Variants in PRPF6 observed in about 807,000 individuals in gnomAD.
The protein encoded by PRPF6 is pre-mRNA processing factor 6.
A neutral mutation model predicts 118.3 loss-of-function variants in PRPF6; 42 were observed. The ratio of observed to expected loss-of-function variants is 0.35; its 90% confidence interval spans 0.28 to 0.46. The LOEUF (loss-of-function observed/expected upper bound fraction) is 0.46. Among genes scored for constraint, PRPF6 ranks in the 20% least tolerant of loss-of-function variants. PRPF6 has a pLI of 1.00. For synonymous variants in PRPF6, 481 were observed against 485.1 expected (o/e 0.99, Z 0.11); for missense variants, 662 against 1,255.7 (o/e 0.53, Z 7.15).
chr20:64,011,596 C>CCA lies in PRPF6; in HGVS notation c.1524+93_1524+94insCA. ...CAGGACTGGGGGTTGCTGGATGGTA[C>CCA]TGGGGAGTCCTGTGCCAAACCAGAA... On this transcript the variant is annotated intron_variant, in intron 11 of 20. Transcript: ENST00000266079. This position sits in a 1 kb window ranked among gnomAD's most constrained non-coding sequence, Gnocchi z 6.7. 7.2e-7 allele frequency: 1 copy of CCA among 1,381,166 alleles called. No homozygotes were observed. Among genetic ancestry groups the CCA allele is most frequent in the Non-Finnish European group, 1.0e-6 (1 of 1,003,964 alleles). 85.6% of individuals were successfully genotyped at this position (1,381,166 alleles called of 1,614,324 possible).
At position 64,026,160 on chromosome 20, in the gene PRPF6, C is replaced by G. The variant is rs1420993180; in HGVS notation, c.2028+102C>G. 1 of 1,547,294 alleles carries G rather than the reference C, an allele frequency of 6.5e-7. No homozygotes were observed. Among genetic ancestry groups the G allele is most frequent in the Non-Finnish European group, 8.7e-7 (1 of 1,146,112 alleles). On this transcript the variant is annotated intron_variant, in intron 15 of 20. Transcript: ENST00000266079. The surrounding 1 kb of genome is among the most constrained non-coding windows in gnomAD (Gnocchi z 4.4). ...GTGATGGGAGTGAGATGACGGCAGG[C>G]AAACGAGACCACAGCACACTCATCT...
Position 64,028,545 on chromosome 20 carries a change from G to A in PRPF6, c.2407G>A (p.Ala803Thr). 6.2e-7 allele frequency: 1 copy of A among 1,613,640 alleles called. No individual in the cohort carries two copies. The highest frequency in any genetic ancestry group is 8.5e-7 in the Non-Finnish European group (1 of 1,179,992). ...CATCGCAAATACACTCATGGCCAAG[G>A]CGCTGCAGGAGTGCCCCAACTCCGG... ...KNIANTLMAK[A>T]LQECPNSGIL... The change falls in exon 18 of 21, where the codon GCG becomes ACG. Residue 803 changes from alanine to threonine, a missense_variant. Ala to Thr is a moderately conservative substitution (Grantham distance 58). Transcript: ENST00000266079. This position sits in a 1 kb window ranked among gnomAD's most constrained non-coding sequence, Gnocchi z 6.5.
At chr20:63,999,287 T>C (rs2059155272) in intron 7 of PRPF6, 148 bp downstream of exon 7, 3 of 759,832 alleles carry the variant, frequency 3.9e-6, no homozygotes, top group East Asian at 2.7e-5. Flanking sequence ...CCATTTGAAA[T>C]GTATCTGTAT....
rs200760491 is a variant in PRPF6 at position 64,028,590 on chromosome 20, C to A, written c.2431+21C>A. On this transcript the variant is annotated intron_variant, in intron 18 of 20. Transcript: ENST00000266079. This position sits in a 1 kb window ranked among gnomAD's most constrained non-coding sequence, Gnocchi z 6.5. The stretch of plus-strand genomic sequence containing the variant: ...CTCCGGTAAGGGGGTGCCCCGACTC[C>A]GGTAAGGGGGTGCCCTGACTCCGGT... 2 of 1,608,376 alleles carry A rather than the reference C, an allele frequency of 1.2e-6. No homozygotes were observed. The highest frequency in any genetic ancestry group is 2.7e-5 in the African/African-American group (2 of 74,794).
At chr20:63,995,132 C>T (rs370937899) in intron 5 of PRPF6, 40 bp downstream of exon 5, 1 of 1,612,990 alleles carries the variant, frequency 6.2e-7, no homozygotes, top group Non-Finnish European at 8.5e-7. Context: ...CCATTTAGTC[C>T]TGTTAGATCA....
At chr20:63,992,326 A>G (rs1028571565) in intron 3 of PRPF6, among the ~76,000 whole-genome samples, 9 of 152,012 alleles carry the variant, frequency 5.9e-5, no homozygotes, top group Admixed American at 5.9e-4. Flanking sequence ...CAATGGCATG[A>G]TCTTGGCTCC....
intron 14 of PRPF6, among the ~76,000 whole-genome samples, chr20:64,024,936 C>T (rs2059281856): frequency 6.6e-6 from 1 of 152,106 alleles, no homozygotes; most frequent in Non-Finnish European, 1.5e-5. Flanking sequence ...GTAAATGTTT[C>T]AGAACATGGA....
chr20:64,006,630 C>A lies in PRPF6; in HGVS notation c.1187-3570C>A, dbSNP rs2123041297. ...CCACCACACCCGGCCTTTGGACCAGCTCTCTTGACAGGAGGGTCCAAGGAG... is the reference window on the plus strand; with the variant it reads ...CCACCACACCCGGCCTTTGGACCAGATCTCTTGACAGGAGGGTCCAAGGAG... On this transcript the variant is annotated intron_variant, in intron 9 of 20. Transcript: ENST00000266079. Among the ~76,000 whole-genome samples, 2 of 152,300 alleles carry A rather than the reference C, an allele frequency of 1.3e-5. 1 individual carries two copies. Among genetic ancestry groups the A allele is most frequent in the South Asian group, 4.1e-4 (2 of 4,826 alleles).
intron 12 of PRPF6, among the ~76,000 whole-genome samples, chr20:64,022,494 G>A (rs1433560017): frequency 1.3e-5 from 2 of 152,196 alleles, no homozygotes; most frequent in African/African-American, 2.4e-5. Context: ...TTTTAGTAGA[G>A]ATAGGTTTTC....
rs903160187 is a variant in PRPF6 at position 64,028,840 on chromosome 20, T to C, written c.2431+271T>C. ...GGAGAATTTGATTTCATTTCTGAAGTGTTATCATTTCTTTTTCTTTTAAAA... is the reference window on the plus strand; with the variant it reads ...GGAGAATTTGATTTCATTTCTGAAGCGTTATCATTTCTTTTTCTTTTAAAA... On this transcript the variant is annotated intron_variant, in intron 18 of 20. Coordinates refer to ENST00000266079, the MANE Select transcript of PRPF6 (RefSeq NM_012469.4). This position sits in a 1 kb window ranked among gnomAD's most constrained non-coding sequence, Gnocchi z 6.5. Among the ~76,000 whole-genome samples, 1 of 152,202 alleles carries C rather than the reference T, an allele frequency of 6.6e-6. No homozygotes were observed. Among genetic ancestry groups the C allele is most frequent in the Non-Finnish European group, 1.5e-5 (1 of 68,038 alleles).
rs769344088 is a variant in PRPF6, at chr20:64,011,441, G to A, written c.1462G>A (p.Asp488Asn). 2 of 1,614,114 alleles carry A rather than the reference G, an allele frequency of 1.2e-6. No homozygotes were observed. The highest frequency in any genetic ancestry group is 1.7e-6 in the Non-Finnish European group (2 of 1,180,050). Residue 488 changes from aspartate to asparagine, a missense_variant, in exon 11 of 21, where the codon GAC becomes AAC. Transcript: ENST00000266079. The surrounding 1 kb of genome is among the most constrained non-coding windows in gnomAD (Gnocchi z 6.7). ...GNTQMVEKIIDRAITSLRANG... is the reference protein window; with the variant it reads ...GNTQMVEKIINRAITSLRANG... Reference sequence around the variant, plus strand: ...CACGCAGATGGTGGAGAAGATCATCGACCGAGCCATCACCTCGCTGCGGGC... The same window carrying A: ...CACGCAGATGGTGGAGAAGATCATCAACCGAGCCATCACCTCGCTGCGGGC...
At position 63,988,326 on chromosome 20, in the gene PRPF6, A is replaced by C. The variant is rs534935965; in HGVS notation, c.359+3301A>C. Among the ~76,000 whole-genome samples the C allele has an allele frequency of 2.0e-5, 3 of 151,282 alleles. No individual in the cohort carries two copies. In the East Asian group the frequency reaches 5.8e-4, roughly 29 times the overall value. On this transcript the variant is annotated intron_variant, in intron 3 of 20. Coordinates refer to ENST00000266079, the MANE Select transcript of PRPF6 (RefSeq NM_012469.4). ...CGGGGCAAGACTCTGTCTCAAAAAA[A>C]AAAAAAACCAAAAAACAAAAATTAG...
Position 64,029,528 on chromosome 20 carries a change from G to A in PRPF6, c.2546+37G>A. On this transcript the variant is annotated intron_variant, in intron 19 of 20. Coordinates refer to ENST00000266079, the MANE Select transcript of PRPF6 (RefSeq NM_012469.4). The surrounding 1 kb of genome is among the most constrained non-coding windows in gnomAD (Gnocchi z 4.8). ...CCCCACAGGATTGCTGAACCTCGGG[G>A]TCCTAATGGGCTCTTTTTCCAGAGT... 6.5e-7 allele frequency: 1 copy of A among 1,532,548 alleles called. No individual in the cohort carries two copies. The highest frequency in any genetic ancestry group is 1.1e-5 in the South Asian group (1 of 89,452). The allele number at this position is 1,532,548 out of a possible 1,614,324, so 94.9% of individuals were successfully genotyped here.
intron 3 of PRPF6, among the ~76,000 whole-genome samples, chr20:63,987,026 C>T (rs1486447669): frequency 6.6e-6 from 1 of 151,384 alleles, no homozygotes; most frequent in African/African-American, 2.4e-5. Flanking sequence ...AAAAATTAGC[C>T]AGGCTTCGTG....
At chr20:63,981,421 C>T (rs2059066365) in intron 1 of PRPF6, 105 bp downstream of exon 1, 1 of 1,131,218 alleles carries the variant, frequency 8.8e-7, no homozygotes, top group South Asian at 1.4e-5. Context: ...GTCTGAAAGA[C>T]GCTTGGTGGA....
chr20:63,983,468 CTTT>C (rs570846288), intron 2 of PRPF6, among the ~76,000 whole-genome samples: 1 of 129,034 alleles, frequency 7.7e-6, no homozygotes. Context: ...ATTGCCCAGT[CTTT>C]TTTTTTTTTG....
chr20:63,993,756 T>C lies in PRPF6; in HGVS notation c.438+271T>C, dbSNP rs184747053. 3.6e-4 allele frequency among the ~76,000 whole-genome samples: 55 copies of C among 152,074 alleles called. No homozygotes were observed. In the East Asian group the frequency reaches 9.8e-3, roughly 27 times the overall value. On this transcript the variant is annotated intron_variant, in intron 4 of 20. Coordinates refer to ENST00000266079, the MANE Select transcript of PRPF6 (RefSeq NM_012469.4). ...ACCTAAGATTTTCTTTTTTCTTTTT[T>C]CTTTTTTTTTTTGGAGGCAGTCTGG... is the stretch of plus-strand genomic sequence containing the variant.
In PRPF6 at chr20:64,011,221, T is replaced by A; in HGVS notation, c.1306-64T>A. The A allele has an allele frequency of 6.6e-7, 1 of 1,508,194 alleles. No individual in the cohort carries two copies. The allele number at this position is 1,508,194 out of a possible 1,614,324, so 93.4% of individuals were successfully genotyped here. A position where few individuals can be genotyped will look rare whatever the true frequency, so the allele number is the denominator to read the frequency against. Reference sequence around the variant, plus strand: ...GCCAACGCTGGAGGGTGGGTCGCTGTCTGGCCTGCAGCTGTCCCCCCAGCA... The same window carrying A: ...GCCAACGCTGGAGGGTGGGTCGCTGACTGGCCTGCAGCTGTCCCCCCAGCA... On this transcript the variant is annotated intron_variant, in intron 10 of 20. Transcript: ENST00000266079. This position sits in a 1 kb window ranked among gnomAD's most constrained non-coding sequence, Gnocchi z 6.7.
chr20:64,030,835 C>G, intron 19 of PRPF6, among the ~76,000 whole-genome samples: 1 of 152,234 alleles, frequency 6.6e-6, no homozygotes, highest in Non-Finnish European at 1.5e-5. Context: ...TGAAATTATT[C>G]CGTTTGGCAA....
Sources: gnomAD v4.1 joint callset for allele counts (sites outside exome capture counted in the v4.1 genomes callset) on GRCh38, gnomAD v4.1.1 for gene constraint, Gnocchi (gnomAD v3.1) non-coding constraint, MANE v1.5 for transcripts, NCBI Gene and HGNC (gene_info 2026-07-23, HGNC 2026-07-21) for gene names.